The following UPP2 variants were observed in gnomAD, a reference collection of about 807,000 sequenced individuals.
UPP2 encodes the protein uridine phosphorylase 2.
Under a neutral mutation model 26.7 loss-of-function variants are expected in UPP2, and 23 were observed. The ratio of observed to expected loss-of-function variants is 0.86; its 90% CI spans 0.62 to 1.22. The LOEUF is 1.22. UPP2 is among the 50% of genes most tolerant of loss of function. The probability of loss-of-function intolerance (pLI) is 0.00; values close to 1 mark genes in which losing one functional copy is unlikely to be tolerated. For missense variants in UPP2, 387 were observed against 396.7 expected (o/e 0.98, Z 0.21); for synonymous variants, 127 against 141.3 (o/e 0.90, Z 0.72).
At chr2:158,051,779 T>TCAACAACAA (rs57339979) in intron 3 of UPP2, among the ~76,000 whole-genome samples, 79,928 of 150,200 alleles carry the variant, frequency 0.53, 21,572 homozygotes, top group Non-Finnish European at 0.56. Flanking sequence ...AGACTCCACC[T>TCAACAACAA]CAACAACAAC....
intron 3 of UPP2, among the ~76,000 whole-genome samples, chr2:158,022,760 C>T (rs1031414135): frequency 1.3e-5 from 2 of 152,124 alleles, no homozygotes; most frequent in African/African-American, 2.4e-5. Context: ...AGGTTCTGTA[C>T]GATAGTCAGC....
rs541069761 is a variant in UPP2, at chr2:158,134,896, C to T, written c.*6C>T. 1 of 1,611,200 alleles carries T rather than the reference C, an allele frequency of 6.2e-7. No homozygotes were observed. Among genetic ancestry groups the T allele is most frequent in the Admixed American group, 1.7e-5 (1 of 59,556 alleles). On this transcript the variant is annotated 3_prime_UTR_variant, in exon 7 of 7. Transcript: ENST00000005756. ...GGCTTGGACTTTGTGACTAGACGTC[C>T]TAACTGGGCAGCCCAACCCTCCCCT...
rs185879318 is a variant in UPP2, at chr2:158,117,402, A to G, written c.340-422A>G. ...AAATGGATTCACTATTTCATTTAGT[A>G]TGGTTGAAAAAGACTGATGATTTGG... On this transcript the variant is annotated intron_variant, in intron 3 of 6. Transcript: ENST00000005756. Among the ~76,000 whole-genome samples the G allele has an allele frequency of 5.1e-4, 78 of 152,140 alleles. 1 individual carries two copies. Among genetic ancestry groups the G allele is most frequent in the African/African-American group, 1.8e-3 (74 of 41,564 alleles).
chr2:158,043,956 C>T (rs1361862877), intron 3 of UPP2, among the ~76,000 whole-genome samples: 8 of 152,140 alleles, frequency 5.3e-5, no homozygotes, highest in Admixed American at 5.2e-4. Flanking sequence ...CATCATTGTG[C>T]CCACCTCACA....
intron 2 of UPP2, among the ~76,000 whole-genome samples, chr2:158,009,189 A>C (rs1411495123): frequency 6.6e-6 from 1 of 152,144 alleles, no homozygotes; most frequent in African/African-American, 2.4e-5. Flanking sequence ...TTCTGGCTAG[A>C]TTTTTTCAGG....
upstream of UPP2, among the ~76,000 whole-genome samples, chr2:158,101,360 G>A (rs1296740889): frequency 1.3e-5 from 2 of 152,114 alleles, no homozygotes; most frequent in African/African-American, 2.4e-5. Context: ...TTTTACCAAT[G>A]GCCTACAGTT....
intron 3 of UPP2, among the ~76,000 whole-genome samples, chr2:158,081,882 CT>C (rs1490570324): frequency 6.6e-6 from 1 of 151,000 alleles, no homozygotes; most frequent in African/African-American, 2.4e-5. Context: ...TTAATAAGAT[CT>C]AGTATTTTTT....
At chr2:158,017,987 T>C (rs1683686621) in intron 3 of UPP2, among the ~76,000 whole-genome samples, 1 of 152,248 alleles carries the variant, frequency 6.6e-6, no homozygotes. Flanking sequence ...GTTTGGTCTT[T>C]ACCTTAACAC....
chr2:158,066,715 T>TA (rs904112847), intron 3 of UPP2, among the ~76,000 whole-genome samples: 14 of 151,678 alleles, frequency 9.2e-5, no homozygotes, highest in African/African-American at 2.2e-4. Flanking sequence ...AAGCCTCCAT[T>TA]AAAAAAAATC....
chr2:158,082,129 G>T (rs1271198635), intron 3 of UPP2, among the ~76,000 whole-genome samples: 1 of 151,752 alleles, frequency 6.6e-6, no homozygotes, highest in Admixed American at 6.6e-5. Flanking sequence ...TTTTGTATTT[G>T]TAGTACAGAT....
At chr2:158,001,253 A>G (rs714566) in intron 2 of UPP2, among the ~76,000 whole-genome samples, 68,176 of 152,030 alleles carry the variant, frequency 0.45, 16,953 homozygotes, top group South Asian at 0.64. Context: ...AGAGTTTATT[A>G]AGGAGATTAT....
rs1045824247 is a variant in UPP2 at position 158,055,558 on chromosome 2, C to T, written c.147+39672C>T. On this transcript the variant is annotated intron_variant, in intron 3 of 9. Transcript: ENST00000605860. ...CTCAGAGCTGTCTTTCTTGACACTC[C>T]TAAGTGATAGCCCTCTAAAAGTATT... Among the ~76,000 whole-genome samples the T allele has an allele frequency of 2.6e-5, 4 of 152,188 alleles. 1 individual carries two copies. Among genetic ancestry groups the T allele is most frequent in the African/African-American group, 2.4e-5 (1 of 41,458 alleles).
intron 3 of UPP2, among the ~76,000 whole-genome samples, chr2:158,090,521 A>G (rs1406329208): frequency 1.3e-5 from 2 of 151,470 alleles, no homozygotes; most frequent in African/African-American, 2.5e-5. Flanking sequence ...AAAAAACCCA[A>G]AAAACAAACA....
intron 3 of UPP2, among the ~76,000 whole-genome samples, chr2:158,054,461 A>T (rs1682215811): frequency 6.7e-6 from 1 of 150,354 alleles, no homozygotes; most frequent in African/African-American, 2.4e-5. Flanking sequence ...GTATTTCTCT[A>T]TGTTCCCTTG....
chr2:158,090,242 C>G (rs1202824612), intron 3 of UPP2, among the ~76,000 whole-genome samples: 1 of 152,142 alleles, frequency 6.6e-6, no homozygotes, highest in Admixed American at 6.5e-5. Context: ...GTGGCTCACT[C>G]CTGTAATCCC....
chr2:158,068,765 AATATATATATATATATATATATATAT>A (rs1170494924), intron 3 of UPP2, among the ~76,000 whole-genome samples: 1 of 31,700 alleles, frequency 3.2e-5, no homozygotes, highest in Non-Finnish European at 4.9e-5. Flanking sequence ...TTCAAATTCA[AATATATATATATATATATATATATAT>A]ATATATATAT....
chr2:158,013,112 G>A (rs1413797997), intron 2 of UPP2, among the ~76,000 whole-genome samples: 2 of 151,810 alleles, frequency 1.3e-5, no homozygotes, highest in African/African-American at 2.4e-5. Context: ...TCAGTCTCCC[G>A]AGTAGCTAAA....
Position 158,007,561 on chromosome 2 carries a change from G to A in UPP2, c.62-8240G>A, listed in dbSNP as rs546698767. On this transcript the variant is annotated intron_variant, in intron 2 of 9. Coordinates refer to the UPP2 transcript ENST00000605860. The stretch of plus-strand genomic sequence containing the variant: ...GCCCTGCCTGGCAACTTTTAACACC[G>A]GCCAGTTCCTTGTTCCATGCACATT... 8.6e-4 allele frequency among the ~76,000 whole-genome samples: 131 copies of A among 152,080 alleles called. 1 individual carries two copies. Among genetic ancestry groups the A allele is most frequent in the African/African-American group, 3.0e-3 (125 of 41,474 alleles).
At chr2:158,000,968 T>C (rs1388539211) in intron 2 of UPP2, among the ~76,000 whole-genome samples, 1 of 152,238 alleles carries the variant, frequency 6.6e-6, no homozygotes, top group Non-Finnish European at 1.5e-5. Flanking sequence ...TGTGTTATTA[T>C]TAAATCTGAG....
Sources: allele counts gnomAD v4.1 joint callset (sites outside exome capture counted in the v4.1 genomes callset), GRCh38; gene constraint gnomAD v4.1.1; transcripts MANE v1.5; gene names NCBI Gene and HGNC (gene_info 2026-07-23, HGNC 2026-07-21).